Variants in EPHA8 observed in about 807,000 individuals in gnomAD.
The protein encoded by EPHA8 is ephrin type-A receptor 8.
Under a neutral mutation model 103.6 loss-of-function variants are expected in EPHA8, and 58 were observed. The ratio of observed to expected loss-of-function variants is 0.56; its 90% CI spans 0.45 to 0.70. The LOEUF (loss-of-function observed/expected upper bound fraction) is 0.70. Among genes scored for constraint, EPHA8 ranks in the 30% least tolerant of loss-of-function variants. EPHA8 has a pLI of 0.00. For missense variants in EPHA8, 1,304 were observed against 1,395.2 expected (o/e 0.93, Z 1.04); for synonymous variants, 559 against 572.5 (o/e 0.98, Z 0.34).
rs1640679548 is a variant in EPHA8 at position 22,576,033 on chromosome 1, C to T, written c.160-184C>T. 6.6e-6 allele frequency among the ~76,000 whole-genome samples: 1 copy of T among 151,804 alleles called. No homozygotes were observed. Among genetic ancestry groups the T allele is most frequent in the African/African-American group, 2.4e-5 (1 of 41,316 alleles). ...TCTCAAGAGTTAGTAAATAACACTT[C>T]CCCTGAAGATCGTGGCCCTCTTCGA... On this transcript the variant is annotated intron_variant, in intron 2 of 16. Coordinates refer to ENST00000166244, the MANE Select transcript of EPHA8 (RefSeq NM_020526.5). The surrounding 1 kb of genome is among the most constrained non-coding windows in gnomAD (Gnocchi z 4.8).
At chr1:22,591,281 G>A (rs1179563391) in intron 5 of EPHA8, among the ~76,000 whole-genome samples, 2 of 152,118 alleles carry the variant, frequency 1.3e-5, no homozygotes, top group Non-Finnish European at 2.9e-5. Flanking sequence ...CTGGAGTGTG[G>A]TGGCACAATC....
Position 22,600,799 on chromosome 1 carries a change from A to G in EPHA8, c.2527A>G (p.Thr843Ala). ...AYGERPYWNM[T>A]NRDVISSVEE... ...TGGGGAGCGGCCCTACTGGAACATG[A>G]CCAACCGGGATGTGAGTGCCAAGCC... The change falls in exon 14 of 17, where the codon ACC becomes GCC. Residue 843 changes from threonine to alanine, a missense_variant. Coordinates refer to ENST00000166244, the MANE Select transcript of EPHA8 (RefSeq NM_020526.5). The G allele has an allele frequency of 1.2e-6, 2 of 1,607,428 alleles. No individual in the cohort carries two copies. Among genetic ancestry groups the G allele is most frequent in the Non-Finnish European group, 1.7e-6 (2 of 1,176,176 alleles).
chr1:22,596,194 G>A (rs750845001), intron 9 of EPHA8, 21 bp downstream of exon 9: 1 of 1,613,048 alleles, frequency 6.2e-7, no homozygotes, highest in South Asian at 1.1e-5. Context: ...GGGCCCGGTG[G>A]TCTGGGGCAG....
rs62642541 is a variant in EPHA8 at position 22,576,683 on chromosome 1, G to A, written c.626G>A (p.Arg209His). 2.2e-4 allele frequency: 363 copies of A among 1,613,870 alleles called. 1 individual carries two copies. The African/African-American group carries it at 4.3e-3, about 19-fold the overall frequency. ...TATAAGAAGTGCCCTGCCATGGTGC[G>A]CAATCTGGCTGCCTTCTCGGAGGCA... ...IYYKKCPAMV[R>H]NLAAFSEAVT... Residue 209 changes from arginine (R) to histidine (H), a missense_variant, in exon 3 of 17, where the codon CGC becomes CAC. Arg to His is a conservative substitution (Grantham distance 29). Coordinates refer to ENST00000166244, the MANE Select transcript of EPHA8 (RefSeq NM_020526.5). This position sits in a 1 kb window ranked among gnomAD's most constrained non-coding sequence, Gnocchi z 4.8.
In EPHA8 at chr1:22,597,907, C is replaced by G; in HGVS notation, c.2116+46C>G. The G allele has an allele frequency of 6.4e-7, 1 of 1,574,792 alleles. No homozygotes were observed. Among genetic ancestry groups the G allele is most frequent in the Non-Finnish European group, 8.6e-7 (1 of 1,156,796 alleles). On this transcript the variant is annotated intron_variant, in intron 11 of 16. Transcript: ENST00000166244. The surrounding 1 kb of genome is among the most constrained non-coding windows in gnomAD (Gnocchi z 4.6). ...GCCTCCCCCTGCAGTGCCCCTCCTG[C>G]CTGGAGAGGCCTCTGGGTCCATCCC... is the stretch of plus-strand genomic sequence containing the variant.
intron 5 of EPHA8, among the ~76,000 whole-genome samples, chr1:22,591,397 T>A (rs1301434454): frequency 6.7e-6 from 1 of 149,810 alleles, no homozygotes; most frequent in East Asian, 2.0e-4. Flanking sequence ...GATTTTTTTT[T>A]TTTTGTAGAG....
At chr1:22,570,377 C>CACACACGCGCGCGCGCAT (rs1278016057) in intron 2 of EPHA8, among the ~76,000 whole-genome samples, 1 of 89,866 alleles carries the variant, frequency 1.1e-5, no homozygotes, top group African/African-American at 8.3e-5. Flanking sequence ...TGTGCGCGTA[C>CACACACGCGCGCGCGCAT]ACACACGCGC....
At chr1:22,577,824 ATG>A (rs1232977251) in intron 3 of EPHA8, among the ~76,000 whole-genome samples, 3 of 136,682 alleles carry the variant, frequency 2.2e-5, no homozygotes, top group East Asian at 2.3e-4. Context: ...ATGTGTGTGC[ATG>A]TGTGCGTGTG....
At position 22,601,476 on chromosome 1, in the gene EPHA8, G is replaced by T; in HGVS notation, c.2903+3G>T. 1 of 1,609,488 alleles carries T rather than the reference G, an allele frequency of 6.2e-7. No individual in the cohort carries two copies. ...ATGGTGCTACGCATGAACGCCCAGT[G>T]AGTGATGGGTGGGGCTGGGGCCCCA... On this transcript the variant is annotated splice_donor_region_variant and intron_variant, in intron 16 of 16. Transcript: ENST00000166244.
intron 5 of EPHA8, among the ~76,000 whole-genome samples, chr1:22,591,603 A>G (rs1204179093): frequency 6.6e-6 from 1 of 152,126 alleles, no homozygotes; most frequent in African/African-American, 2.4e-5. Flanking sequence ...CTGAGCGCAC[A>G]TGCAATTCAG....
At chr1:22,580,951 A>G (rs1388688786) in intron 3 of EPHA8, among the ~76,000 whole-genome samples, 1 of 152,182 alleles carries the variant, frequency 6.6e-6, no homozygotes, top group East Asian at 1.9e-4. Flanking sequence ...GGGGCTAATG[A>G]AGGACCTTAG....
At chr1:22,572,431 A>G (rs1231546428) in intron 2 of EPHA8, among the ~76,000 whole-genome samples, 2 of 152,202 alleles carry the variant, frequency 1.3e-5, no homozygotes, top group African/African-American at 4.8e-5. Flanking sequence ...AGGCAAAGCA[A>G]TTCTACGAAG....
rs374945795 is a variant in EPHA8 at position 22,601,388 on chromosome 1, G to T, written c.2818G>T (p.Asp940Tyr). ...GGGCCTCACCGTGGGGGACTGGCTG[G>T]ACTCCATCCGCATGGGCCGGTACCG... ...GGGLTVGDWL[D>Y]SIRMGRYRDH... Residue 940 changes from aspartate to tyrosine, a missense_variant, in exon 16 of 17, where the codon GAC (aspartate) becomes TAC (tyrosine). Asp to Tyr is a radical substitution (Grantham distance 160). Coordinates refer to ENST00000166244, the MANE Select transcript of EPHA8 (RefSeq NM_020526.5). 1.9e-6 allele frequency: 3 copies of T among 1,611,530 alleles called. No individual in the cohort carries two copies. Among genetic ancestry groups the T allele is most frequent in the Non-Finnish European group, 2.5e-6 (3 of 1,179,746 alleles).
At chr1:22,584,810 G>A (rs1196291301) in intron 3 of EPHA8, among the ~76,000 whole-genome samples, 1 of 152,126 alleles carries the variant, frequency 6.6e-6, no homozygotes, top group Non-Finnish European at 1.5e-5. Flanking sequence ...GAAAACTCCT[G>A]CCTGGAGTTT....
At position 22,597,863 on chromosome 1, in the gene EPHA8, T is replaced by C; in HGVS notation, c.2116+2T>C. The C allele has an allele frequency of 6.2e-7, 1 of 1,605,312 alleles. No homozygotes were observed. Among genetic ancestry groups the C allele is most frequent in the Non-Finnish European group, 8.5e-7 (1 of 1,175,452 alleles). On this transcript the variant is annotated splice_donor_variant, in intron 11 of 16. Coordinates refer to ENST00000166244, the MANE Select transcript of EPHA8 (RefSeq NM_020526.5). LOFTEE classifies it high-confidence loss of function. The surrounding 1 kb of genome is among the most constrained non-coding windows in gnomAD (Gnocchi z 4.6). ...GCCTCGAGGGTGTCGTCACCCGTGGTAGGTGCCGGGCAAAGACAGCCTCCC... is the reference window on the plus strand; with the variant it reads ...GCCTCGAGGGTGTCGTCACCCGTGGCAGGTGCCGGGCAAAGACAGCCTCCC...
chr1:22,567,596 C>A lies in EPHA8; in HGVS notation c.95-1693C>A, dbSNP rs982809166. Among the ~76,000 whole-genome samples, 1 of 152,100 alleles carries A rather than the reference C, an allele frequency of 6.6e-6. No homozygotes were observed. ...GTTCTGCCAGCCTCACTCCAGCCGGCCTCCTTCAGGGTCCCTGACGGTGGG... is the reference window on the plus strand; with the variant it reads ...GTTCTGCCAGCCTCACTCCAGCCGGACTCCTTCAGGGTCCCTGACGGTGGG... On this transcript the variant is annotated intron_variant, in intron 1 of 16. Transcript: ENST00000166244. The surrounding 1 kb of genome is among the most constrained non-coding windows in gnomAD (Gnocchi z 4.2).
chr1:22,565,784 G>A (rs1426462679), intron 1 of EPHA8, among the ~76,000 whole-genome samples: 1 of 152,184 alleles, frequency 6.6e-6, no homozygotes, highest in Non-Finnish European at 1.5e-5. Context: ...GGCAGGTGGG[G>A]AAGTCTGTGT....
At chr1:22,564,080 G>A (rs1002709331) in intron 1 of EPHA8, among the ~76,000 whole-genome samples, 5 of 151,480 alleles carry the variant, frequency 3.3e-5, no homozygotes, top group Admixed American at 3.3e-4. Context: ...AGGTAAGGAG[G>A]AGAGGGTACA....
At chr1:22,579,225 G>C (rs573321420) in intron 3 of EPHA8, among the ~76,000 whole-genome samples, 4 of 151,622 alleles carry the variant, frequency 2.6e-5, no homozygotes, top group Non-Finnish European at 5.9e-5. Flanking sequence ...GTGTATGTAT[G>C]CATGTGTGTG....
Sources: gnomAD v4.1 joint callset for allele counts (sites outside exome capture counted in the v4.1 genomes callset) on GRCh38, gnomAD v4.1.1 for gene constraint, Gnocchi (gnomAD v3.1) non-coding constraint, MANE v1.5 for transcripts, NCBI Gene and HGNC (gene_info 2026-07-23, HGNC 2026-07-21) for gene names.